Variants in CYP51A1 observed in about 807,000 individuals in gnomAD.
CYP51A1 encodes lanosterol 14-alpha demethylase.
CYP51A1 carries 45 observed loss-of-function variants against 53.5 expected under a neutral mutation model. That is an observed-to-expected ratio of 0.84 (90% CI 0.66 to 1.08). The LOEUF (loss-of-function observed/expected upper bound fraction) is 1.08, where lower values mean the gene tolerates loss of function less well. Ranked by LOEUF, CYP51A1 falls within the 50% of genes least tolerant of loss-of-function variation. The pLI is 0.00. For synonymous variants in CYP51A1, 181 were observed against 217.7 expected (o/e 0.83, Z 1.48); for missense variants, 462 against 621.7 (o/e 0.74, Z 2.73).
At chr7:92,132,959 C>T (rs1819954168) in intron 1 of CYP51A1, among the ~76,000 whole-genome samples, 1 of 152,164 alleles carries the variant, frequency 6.6e-6, no homozygotes, top group African/African-American at 2.4e-5. Flanking sequence ...CAGTACACCT[C>T]AGCTAATAGA....
chr7:92,121,966 TA>T (rs1819701348), intron 7 of CYP51A1, among the ~76,000 whole-genome samples: 1 of 152,214 alleles, frequency 6.6e-6, no homozygotes, highest in African/African-American at 2.4e-5. Context: ...TTATGCTATG[TA>T]AATATATCAG....
chr7:92,132,223 T>C (rs751537754), intron 1 of CYP51A1, among the ~76,000 whole-genome samples: 8 of 152,188 alleles, frequency 5.3e-5, no homozygotes, highest in Non-Finnish European at 8.8e-5. Context: ...ACCAAAAAGG[T>C]CAAACTACAC....
chr7:92,129,047 C>T lies in CYP51A1; in HGVS notation c.301G>A (p.Val101Ile). The change falls in exon 3 of 10, where the codon GTA (valine) becomes ATA (isoleucine). Residue 101 changes from valine to isoleucine, a missense_variant. Coordinates refer to ENST00000003100, the MANE Select transcript of CYP51A1 (RefSeq NM_000786.4). ...LENAYEKYGP[V>I]FSFTMVGKTF... ...TTGCCTACCATGGTAAAACTAAATA[C>T]AGGTCCATACTAAAAAGAGAAAAGT... 3 of 1,609,590 alleles carry T rather than the reference C, an allele frequency of 1.9e-6. No individual in the cohort carries two copies. The highest frequency in any genetic ancestry group is 8.5e-7 in the Non-Finnish European group (1 of 1,177,738).
chr7:92,131,212 C>T (rs1279946118), intron 2 of CYP51A1, among the ~76,000 whole-genome samples: 5 of 152,096 alleles, frequency 3.3e-5, no homozygotes, highest in African/African-American at 4.8e-5. Flanking sequence ...AACCAGGAGA[C>T]GGTATGGTCT....
chr7:92,115,832 T>C (rs1042390172), intron 9 of CYP51A1, among the ~76,000 whole-genome samples: 1 of 152,212 alleles, frequency 6.6e-6, no homozygotes, highest in Non-Finnish European at 1.5e-5. Flanking sequence ...AAACATAGAA[T>C]GAGCCATCAT....
At chr7:92,128,823 T>C in intron 3 of CYP51A1, 57 bp downstream of exon 3, 1 of 1,385,898 alleles carries the variant, frequency 7.2e-7, no homozygotes, top group Non-Finnish European at 1.0e-6. Flanking sequence ...GTCTCACTAT[T>C]AGCTATAACT....
intron 3 of CYP51A1, among the ~76,000 whole-genome samples, chr7:92,128,165 A>G (rs12538325): frequency 0.34 from 51,260 of 152,078 alleles, 9,126 homozygotes; most frequent in Middle Eastern, 0.39. Flanking sequence ...TCAGGCAGGA[A>G]TGGGTAGGCA....
At chr7:92,126,542 T>C in intron 4 of CYP51A1, 115 bp from the exon 5 acceptor site, 3 of 873,550 alleles carry the variant, frequency 3.4e-6, no homozygotes, top group Non-Finnish European at 5.1e-6. Flanking sequence ...TCAAAAAAAG[T>C]CTGTAGACAG....
chr7:92,126,146 G>T, intron 5 of CYP51A1, 107 bp downstream of exon 5: 1 of 727,298 alleles, frequency 1.4e-6, no homozygotes, highest in East Asian at 3.0e-5. Context: ...TACCCATTTT[G>T]TATGTTTTAC....
chr7:92,117,704 T>C (rs1356946137), intron 8 of CYP51A1, among the ~76,000 whole-genome samples: 1 of 152,202 alleles, frequency 6.6e-6, no homozygotes, highest in Non-Finnish European at 1.5e-5. Context: ...AAGATTAGCA[T>C]GTAGGCCGGG....
At chr7:92,121,054 C>T (rs1278972665) in intron 7 of CYP51A1, among the ~76,000 whole-genome samples, 3 of 152,034 alleles carry the variant, frequency 2.0e-5, no homozygotes, top group African/African-American at 7.2e-5. Context: ...CTTTGGGAGG[C>T]CAAGGCGGGC....
intron 8 of CYP51A1, chr7:92,117,484 C>T (rs900947961): frequency 4.2e-5 from 11 of 264,128 alleles, no homozygotes; most frequent in Non-Finnish European, 6.5e-5. Context: ...AGTGAGCCAG[C>T]GTTGGGTTGG....
intron 9 of CYP51A1, 82 bp downstream of exon 9, chr7:92,116,962 G>A (rs948024030): frequency 7.2e-7 from 1 of 1,395,644 alleles, no homozygotes; most frequent in African/African-American, 1.4e-5. Context: ...GAGATAATTT[G>A]TAAACACAAT....
At position 92,118,551 on chromosome 7, in the gene CYP51A1, A is replaced by G; in HGVS notation, c.1151T>C (p.Met384Thr). The part of the protein sequence containing the change: ...KETLRLRPPI[M>T]IMMRMARTPQ... Reference sequence around the variant, plus strand: ...AGTTCTGGCCATTCTCATCATGATCATTATAGGAGGTCTAAGTCTTAATGT... The same window carrying G: ...AGTTCTGGCCATTCTCATCATGATCGTTATAGGAGGTCTAAGTCTTAATGT... The change falls in exon 8 of 10, where the codon ATG becomes ACG. Residue 384 changes from methionine (M) to threonine (T), a missense_variant. Physicochemically the swap from Met to Thr is moderately conservative, Grantham distance 81. Transcript: ENST00000003100. The G allele has an allele frequency of 6.3e-7, 1 of 1,597,840 alleles. No homozygotes were observed. The highest frequency in any genetic ancestry group is 8.6e-7 in the Non-Finnish European group (1 of 1,166,162).
In CYP51A1 at chr7:92,134,459, T is replaced by G. The variant is rs1820002199; in HGVS notation, c.-95A>C. ...GGCAGATGGTCGTCCACAGGGGGCC[T>G]TGCCCCAGGTCTCCTACTAAACCCA... On this transcript the variant is annotated 5_prime_UTR_variant, in exon 1 of 10. Transcript: ENST00000003100. 1 of 1,337,740 alleles carries G rather than the reference T, an allele frequency of 7.5e-7. No individual in the cohort carries two copies. Among genetic ancestry groups the G allele is most frequent in the African/African-American group, 1.5e-5 (1 of 67,436 alleles). 82.9% of individuals were successfully genotyped at this position (1,337,740 alleles called of 1,614,324 possible). A position where few individuals can be genotyped will look rare whatever the true frequency, so the allele number is the denominator to read the frequency against.
At chr7:92,131,286 G>C (rs969681127) in intron 2 of CYP51A1, among the ~76,000 whole-genome samples, 1 of 152,218 alleles carries the variant, frequency 6.6e-6, no homozygotes, top group East Asian at 1.9e-4. Context: ...AGTCCAAAGC[G>C]AGACTGTGAA....
intron 8 of CYP51A1, among the ~76,000 whole-genome samples, chr7:92,118,310 T>C (rs1407360473): frequency 1.3e-5 from 2 of 152,034 alleles, no homozygotes; most frequent in African/African-American, 4.8e-5. Flanking sequence ...TGTGCCATTA[T>C]GGCCAGCTAA....
In CYP51A1 at chr7:92,134,183, G is replaced by A. The variant is rs1232344451; in HGVS notation, c.182C>T (p.Pro61Leu). ...RLAAGHLVQL[P>L]AGVKSPPYIF... The stretch of plus-strand genomic sequence containing the variant: ...AAAGAATGTACGTACCACCCCTGCG[G>A]GCAGCTGGACCAGGTGGCCGGCGGC... The change falls in exon 1 of 10, where the codon CCC becomes CTC. Residue 61 changes from proline to leucine, a missense_variant. Pro to Leu is a moderately conservative substitution (Grantham distance 98). Coordinates refer to ENST00000003100, the MANE Select transcript of CYP51A1 (RefSeq NM_000786.4). 2 of 1,611,814 alleles carry A rather than the reference G, an allele frequency of 1.2e-6. No homozygotes were observed. Among genetic ancestry groups the A allele is most frequent in the African/African-American group, 1.3e-5 (1 of 74,862 alleles).
intron 1 of CYP51A1, among the ~76,000 whole-genome samples, chr7:92,132,657 G>C (rs1819947876): frequency 6.6e-6 from 1 of 152,190 alleles, no homozygotes; most frequent in Non-Finnish European, 1.5e-5. Flanking sequence ...GTAACTTGTA[G>C]TATAGAAAGA....
Sources: allele counts gnomAD v4.1 joint callset (sites outside exome capture counted in the v4.1 genomes callset), GRCh38; gene constraint gnomAD v4.1.1; transcripts MANE v1.5; gene names NCBI Gene and HGNC (gene_info 2026-07-23, HGNC 2026-07-21).